Variants in PRKG1 observed in about 807,000 individuals in gnomAD.
PRKG1 encodes protein kinase cGMP-dependent 1, also known as cGMP-dependent protein kinase 1.
Under a neutral mutation model 88.1 loss-of-function variants are expected in PRKG1, and 35 were observed. That is an observed-to-expected ratio of 0.40 (90% confidence interval 0.30 to 0.53). PRKG1 has a LOEUF of 0.53. Ranked by LOEUF, PRKG1 falls within the 20% of genes least tolerant of loss-of-function variation. The probability of loss-of-function intolerance (pLI) is 0.59; values close to 1 mark genes in which losing one functional copy is unlikely to be tolerated. For missense variants in PRKG1, 540 were observed against 839.8 expected, an observed-to-expected ratio of 0.64 and a Z score of 4.41; for synonymous variants, 303 against 292.5, an observed-to-expected ratio of 1.04 and a Z score of -0.37.
chr10:52,115,239 G>A (rs1031132847), intron 7 of PRKG1, among the ~76,000 whole-genome samples: 1 of 150,956 alleles, frequency 6.6e-6, no homozygotes, highest in Non-Finnish European at 1.5e-5. Flanking sequence ...TGGTAATCCT[G>A]TTTTTTTTTA....
intron 7 of PRKG1, among the ~76,000 whole-genome samples, chr10:52,132,784 T>C (rs1462288331): frequency 6.6e-6 from 1 of 152,060 alleles, no homozygotes; most frequent in Admixed American, 6.6e-5. Flanking sequence ...TTTAAATTAT[T>C]TTTAAAAATT....
At chr10:51,971,405 G>T (rs1395048010) in intron 5 of PRKG1, among the ~76,000 whole-genome samples, 1 of 151,790 alleles carries the variant, frequency 6.6e-6, no homozygotes, top group Non-Finnish European at 1.5e-5. Flanking sequence ...ATATTTCAAA[G>T]TATTCAAAAT....
intron 3 of PRKG1, among the ~76,000 whole-genome samples, chr10:51,560,784 C>T (rs897071776): frequency 4.0e-5 from 6 of 151,702 alleles, no homozygotes; most frequent in African/African-American, 9.7e-5. Flanking sequence ...CATATTAATT[C>T]GTAAGAAATG....
chr10:51,771,628 A>G (rs557785994), intron 3 of PRKG1, among the ~76,000 whole-genome samples: 2 of 152,330 alleles, frequency 1.3e-5, no homozygotes, highest in African/African-American at 4.8e-5. Flanking sequence ...CTGATGTTTT[A>G]TATAACATCA....
chr10:51,147,649 A>G (rs7893783), intron 1 of PRKG1, among the ~76,000 whole-genome samples: 11,013 of 152,256 alleles, frequency 0.072, 765 homozygotes, highest in African/African-American at 0.18. Flanking sequence ...AAATATTACA[A>G]TGTATGTAAT....
At chr10:51,615,226 T>A (rs1441776407) in intron 3 of PRKG1, among the ~76,000 whole-genome samples, 1 of 152,146 alleles carries the variant, frequency 6.6e-6, no homozygotes, top group Non-Finnish European at 1.5e-5. Context: ...TTTAAGGCAT[T>A]GATGCTTTAC....
intron 3 of PRKG1, among the ~76,000 whole-genome samples, chr10:51,544,836 G>GA (rs1008793509): frequency 3.3e-5 from 5 of 151,858 alleles, no homozygotes; most frequent in Admixed American, 1.3e-4. Flanking sequence ...AAATTTACAA[G>GA]AAAAAAATCA....
At chr10:51,482,702 G>A (rs1221063063) in intron 3 of PRKG1, among the ~76,000 whole-genome samples, 1 of 152,146 alleles carries the variant, frequency 6.6e-6, no homozygotes, top group East Asian at 1.9e-4. Context: ...AAGGGAGTAT[G>A]GTGGCAGAAA....
chr10:52,218,888 T>C (rs1303238031), intron 9 of PRKG1, among the ~76,000 whole-genome samples: 1 of 152,168 alleles, frequency 6.6e-6, no homozygotes, highest in Non-Finnish European at 1.5e-5. Flanking sequence ...CATAATATAA[T>C]GTTAATAATT....
At chr10:51,816,628 AGAGAGGATTTTTTCTTT>A (rs1490469752) in intron 4 of PRKG1, among the ~76,000 whole-genome samples, 1 of 151,580 alleles carries the variant, frequency 6.6e-6, no homozygotes, top group Non-Finnish European at 1.5e-5. Context: ...AAAACAGAGG[AGAGAGGATTTTTTCTTT>A]GAGTTCTAAT....
chr10:51,007,764 A>G (rs1021733728), intron 1 of PRKG1, among the ~76,000 whole-genome samples: 2 of 152,218 alleles, frequency 1.3e-5, no homozygotes, highest in African/African-American at 4.8e-5. Context: ...TGTTTTGGAG[A>G]CAAAGTCAAA....
rs181922779 is a variant in PRKG1, at chr10:51,062,623, T to C, written c.266+70979T>C. The C allele has an allele frequency of 1.5e-3, 232 of 152,240 alleles. 1 individual carries two copies. Among genetic ancestry groups the C allele is most frequent in the African/African-American group, 5.5e-3 (230 of 41,558 alleles). 9.4% of individuals were successfully genotyped at this position (152,240 alleles called of 1,614,324 possible). On this transcript the variant is annotated intron_variant, in intron 1 of 17. Coordinates refer to the PRKG1 transcript ENST00000401604. ...ATTTTGAATTCAAAACAGTATCTTTTTTTTTTCTATTTTTTTGAGATGGAG... is the reference window on the plus strand; with the variant it reads ...ATTTTGAATTCAAAACAGTATCTTTCTTTTTTCTATTTTTTTGAGATGGAG...
At chr10:51,772,878 G>A (rs940008753) in intron 3 of PRKG1, among the ~76,000 whole-genome samples, 3 of 152,002 alleles carry the variant, frequency 2.0e-5, no homozygotes, top group African/African-American at 7.2e-5. Context: ...TAAAGTGATT[G>A]ACAAAGAAAG....
intron 3 of PRKG1, among the ~76,000 whole-genome samples, chr10:51,591,233 G>A (rs189868077): frequency 6.6e-6 from 1 of 152,270 alleles, no homozygotes; most frequent in East Asian, 1.9e-4. Flanking sequence ...GCATATTAAA[G>A]TTCTAAGAAA....
At chr10:51,016,909 T>C (rs1486585471) in intron 1 of PRKG1, among the ~76,000 whole-genome samples, 1 of 151,592 alleles carries the variant, frequency 6.6e-6, no homozygotes, top group Non-Finnish European at 1.5e-5. Flanking sequence ...CCTCATGATC[T>C]GCCCCCTTTG....
intron 5 of PRKG1, among the ~76,000 whole-genome samples, chr10:51,955,075 G>A (rs1488642553): frequency 6.6e-6 from 1 of 151,904 alleles, no homozygotes; most frequent in Non-Finnish European, 1.5e-5. Context: ...TTTTTTAAAG[G>A]ACATAATTTT....
intron 4 of PRKG1, among the ~76,000 whole-genome samples, chr10:51,861,835 C>A (rs1840881421): frequency 6.6e-6 from 1 of 152,238 alleles, no homozygotes; most frequent in African/African-American, 2.4e-5. Context: ...CGGAAACCTT[C>A]ATGGCAGGTG....
chr10:51,078,909 C>A (rs1012553829), intron 1 of PRKG1, among the ~76,000 whole-genome samples: 2 of 152,118 alleles, frequency 1.3e-5, no homozygotes, highest in Non-Finnish European at 2.9e-5. Flanking sequence ...AGCCACCGCA[C>A]CCGGCCTATT....
chr10:50,991,115 G>C lies in PRKG1; in HGVS notation c.-264G>C, dbSNP rs1842775580. On this transcript the variant is annotated 5_prime_UTR_variant, in exon 1 of 18. Coordinates refer to the PRKG1 transcript ENST00000401604. The surrounding 1 kb of genome is among the most constrained non-coding windows in gnomAD (Gnocchi z 4.5). ...AATCACCTACTCCCCAGAGAGGCTGGAGATTAGCACTCTGCCTCTCCTCTC... is the reference window on the plus strand; with the variant it reads ...AATCACCTACTCCCCAGAGAGGCTGCAGATTAGCACTCTGCCTCTCCTCTC... 9.5e-6 allele frequency: 4 copies of C among 420,430 alleles called. No homozygotes were observed. The highest frequency in any genetic ancestry group is 1.7e-5 in the Non-Finnish European group (4 of 238,868). 26.0% of individuals were successfully genotyped at this position (420,430 alleles called of 1,614,324 possible). A position where few individuals can be genotyped will look rare whatever the true frequency, so the allele number is the denominator to read the frequency against.
Sources: gnomAD v4.1 joint callset for allele counts (sites outside exome capture counted in the v4.1 genomes callset) on GRCh38, gnomAD v4.1.1 for gene constraint, Gnocchi (gnomAD v3.1) non-coding constraint, MANE v1.5 for transcripts, NCBI Gene and HGNC (gene_info 2026-07-23, HGNC 2026-07-21) for gene names.